BCAS3: variants seen among roughly 807,000 people sequenced by gnomAD.
The protein encoded by BCAS3 is BCAS4/BCAS3 fusion.
BCAS3 carries 53 observed loss-of-function variants against 116.1 expected under a neutral mutation model. The ratio of observed to expected loss-of-function variants is 0.46; its 90% CI spans 0.37 to 0.57. The LOEUF is 0.57. BCAS3 is among the 20% of genes least tolerant of loss of function. The probability of loss-of-function intolerance (pLI) is 0.00; values close to 1 mark genes in which losing one functional copy is unlikely to be tolerated. For missense variants in BCAS3, 917 were observed against 1,165.4 expected, an observed-to-expected ratio of 0.79 and a Z score of 3.10; for synonymous variants, 391 against 408.2, an observed-to-expected ratio of 0.96 and a Z score of 0.51.
At chr17:61,177,877 A>G (rs1468635165) in intron 22 of BCAS3, among the ~76,000 whole-genome samples, 1 of 152,212 alleles carries the variant, frequency 6.6e-6, no homozygotes, top group East Asian at 1.9e-4. Context: ...CAAACCCATC[A>G]TTATTTAATG....
At chr17:60,772,078 G>A (rs973693737) in intron 6 of BCAS3, among the ~76,000 whole-genome samples, 1 of 152,124 alleles carries the variant, frequency 6.6e-6, no homozygotes, top group Non-Finnish European at 1.5e-5. Context: ...CCCAGTAATG[G>A]GATGGCTGGG....
intron 4 of BCAS3, among the ~76,000 whole-genome samples, chr17:60,692,485 G>A (rs997499178): frequency 9.2e-5 from 14 of 152,006 alleles, no homozygotes; most frequent in Non-Finnish European, 1.5e-4. Context: ...CTCGTGATCC[G>A]CCCGTCTTGG....
chr17:60,957,002 G>A (rs1405081046), intron 14 of BCAS3, among the ~76,000 whole-genome samples: 1 of 152,132 alleles, frequency 6.6e-6, no homozygotes, highest in Non-Finnish European at 1.5e-5. Flanking sequence ...GAATTAAGTT[G>A]TTTTGTGGTC....
At chr17:60,865,891 C>T (rs2054553847) in intron 7 of BCAS3, among the ~76,000 whole-genome samples, 1 of 151,954 alleles carries the variant, frequency 6.6e-6, no homozygotes, top group Non-Finnish European at 1.5e-5. Flanking sequence ...TATAGGTGCA[C>T]TTTATAAGGT....
chr17:61,386,796 GTTTTTTTT>G (rs57275173), intron 23 of BCAS3, among the ~76,000 whole-genome samples: 1 of 113,842 alleles, frequency 8.8e-6, no homozygotes, highest in Non-Finnish European at 1.9e-5. Flanking sequence ...TTTGTTTTTT[GTTTTTTTT>G]TTTTTTTTTG....
At chr17:61,018,290 G>GT (rs10570881) in intron 16 of BCAS3, among the ~76,000 whole-genome samples, 2,686 of 83,066 alleles carry the variant, frequency 0.032, 452 homozygotes, top group East Asian at 0.11. Context: ...AAATTCCCCA[G>GT]TTTTTTTTTT....
intron 14 of BCAS3, among the ~76,000 whole-genome samples, chr17:60,963,555 A>ATT (rs148722954): frequency 2.4e-5 from 3 of 126,044 alleles, no homozygotes; most frequent in East Asian, 4.3e-4. Flanking sequence ...AATGCTATCG[A>ATT]TTTTTTTTTT....
chr17:61,049,637 G>GA (rs1256281043), intron 19 of BCAS3, among the ~76,000 whole-genome samples: 7 of 142,702 alleles, frequency 4.9e-5, no homozygotes, highest in Admixed American at 1.4e-4. Flanking sequence ...TTGACAAAGA[G>GA]AAAAAAAAAT....
At chr17:61,201,187 C>T (rs1021345628) in intron 22 of BCAS3, among the ~76,000 whole-genome samples, 1 of 152,222 alleles carries the variant, frequency 6.6e-6, no homozygotes, top group African/African-American at 2.4e-5. Flanking sequence ...ACCTGGCATT[C>T]GCAGGTATCT....
intron 6 of BCAS3, among the ~76,000 whole-genome samples, chr17:60,756,914 C>T (rs1228109526): frequency 5.3e-5 from 8 of 152,230 alleles, no homozygotes; most frequent in Non-Finnish European, 8.8e-5. Context: ...TGGCCAGGCG[C>T]GGTGGCTCAT....
intron 22 of BCAS3, among the ~76,000 whole-genome samples, chr17:61,197,852 A>T (rs535744782): frequency 6.6e-6 from 1 of 152,356 alleles, no homozygotes; most frequent in East Asian, 1.9e-4. Flanking sequence ...GCCCTATAGT[A>T]TCAAAACAAA....
rs539747653 is a variant in BCAS3 at position 61,356,068 on chromosome 17, C to G, written c.2426-12259C>G. Among the ~76,000 whole-genome samples the G allele has an allele frequency of 1.3e-5, 2 of 152,324 alleles. No individual in the cohort carries two copies. The highest frequency in any genetic ancestry group is 4.8e-5 in the African/African-American group (2 of 41,566). On this transcript the variant is annotated intron_variant, in intron 22 of 23. Coordinates refer to ENST00000407086, the MANE Select transcript of BCAS3 (RefSeq NM_017679.5). The surrounding 1 kb of genome is among the most constrained non-coding windows in gnomAD (Gnocchi z 5.4). ...GGAGTACAATGGCGCAATCTCGGCCCACTGCAACCTCCGCCTCCCGGGTTC... is the reference window on the plus strand; with the variant it reads ...GGAGTACAATGGCGCAATCTCGGCCGACTGCAACCTCCGCCTCCCGGGTTC...
At chr17:60,955,596 G>C (rs985552125) in intron 14 of BCAS3, among the ~76,000 whole-genome samples, 6 of 151,828 alleles carry the variant, frequency 4.0e-5, no homozygotes, top group Non-Finnish European at 8.8e-5. Flanking sequence ...TTGGTGGCCA[G>C]GATGGTCTGG....
At position 61,095,455 on chromosome 17, in the gene BCAS3, T is replaced by G. The variant is rs982946191; in HGVS notation, c.2425+10891T>G. Among the ~76,000 whole-genome samples the G allele has an allele frequency of 1.3e-5, 2 of 152,064 alleles. No homozygotes were observed. Among genetic ancestry groups the G allele is most frequent in the African/African-American group, 4.8e-5 (2 of 41,396 alleles). On this transcript the variant is annotated intron_variant, in intron 22 of 23. Coordinates refer to ENST00000407086, the MANE Select transcript of BCAS3 (RefSeq NM_017679.5). The surrounding 1 kb of genome is among the most constrained non-coding windows in gnomAD (Gnocchi z 4.7). ...ACCAAAGATCTTTGGGGTCCTGGGT[T>G]TTTTGTTGTTGTTGTCGTTTGTTTG...
At chr17:61,001,044 G>A (rs2064202067) in intron 15 of BCAS3, among the ~76,000 whole-genome samples, 1 of 152,048 alleles carries the variant, frequency 6.6e-6, no homozygotes, top group Admixed American at 6.6e-5. Context: ...AACAGATCTT[G>A]GATTCACTTC....
intron 22 of BCAS3, among the ~76,000 whole-genome samples, chr17:61,107,068 T>G (rs1275748803): frequency 6.7e-6 from 1 of 148,558 alleles, no homozygotes; most frequent in Non-Finnish European, 1.5e-5. Context: ...CTTGCTTTGC[T>G]AACACTAGGC....
At chr17:60,683,357 A>G (rs2033472082) in intron 2 of BCAS3, among the ~76,000 whole-genome samples, 1 of 152,174 alleles carries the variant, frequency 6.6e-6, no homozygotes, top group African/African-American at 2.4e-5. Flanking sequence ...ATGACTTAGA[A>G]GCTATCTCTA....
intron 4 of BCAS3, among the ~76,000 whole-genome samples, chr17:60,697,282 T>C (rs994070117): frequency 9.2e-5 from 14 of 151,778 alleles, no homozygotes; most frequent in Non-Finnish European, 1.2e-4. Context: ...CAGTTTTGGC[T>C]GGGCGTGGTG....
Position 61,361,468 on chromosome 17 carries a change from A to G in BCAS3, c.2426-6859A>G, listed in dbSNP as rs2058447590. On this transcript the variant is annotated intron_variant, in intron 22 of 23. Transcript: ENST00000407086. The surrounding 1 kb of genome is among the most constrained non-coding windows in gnomAD (Gnocchi z 6.5). ...TGATACACATAATATATAACATAATATAATATCTGATCTATATCTATATCT... is the reference window on the plus strand; with the variant it reads ...TGATACACATAATATATAACATAATGTAATATCTGATCTATATCTATATCT... Among the ~76,000 whole-genome samples the G allele has an allele frequency of 6.6e-6, 1 of 152,202 alleles. No individual in the cohort carries two copies. Among genetic ancestry groups the G allele is most frequent in the African/African-American group, 2.4e-5 (1 of 41,458 alleles).
Sources: gnomAD v4.1 joint callset for allele counts (sites outside exome capture counted in the v4.1 genomes callset) on GRCh38, gnomAD v4.1.1 for gene constraint, Gnocchi (gnomAD v3.1) non-coding constraint, MANE v1.5 for transcripts, NCBI Gene and HGNC (gene_info 2026-07-23, HGNC 2026-07-21) for gene names.